The following HOOK3 variants were observed in gnomAD, a reference collection of about 807,000 sequenced individuals.
HOOK3 encodes the protein protein Hook homolog 3.
HOOK3 carries 24 observed loss-of-function variants against 116.3 expected under a neutral mutation model. The ratio of observed to expected loss-of-function variants is 0.21; its 90% CI spans 0.15 to 0.29. HOOK3 has a LOEUF of 0.29. HOOK3 is among the 10% of genes least tolerant of loss of function. The pLI, the probability that HOOK3 is intolerant of heterozygous loss-of-function variation, is 1.00. For missense variants in HOOK3, 632 were observed against 830.2 expected, an observed-to-expected ratio of 0.76 and a Z score of 2.93; for synonymous variants, 275 against 283.0, an observed-to-expected ratio of 0.97 and a Z score of 0.28.
chr8:43,018,979 C>T lies in HOOK3; in HGVS notation c.*481C>T, dbSNP rs1269217733. On this transcript the variant is annotated 3_prime_UTR_variant, in exon 22 of 22. Transcript: ENST00000307602. ...ACAGTTCAAATAACTTGCATATTTA[C>T]TATACAAAATGGTTGACAAGTGTTC... 1 of 210,974 alleles carries T rather than the reference C, an allele frequency of 4.7e-6. No individual in the cohort carries two copies. The highest frequency in any genetic ancestry group is 9.6e-6 in the Non-Finnish European group (1 of 103,920). The allele number at this position is 210,974 out of a possible 1,614,324, so 13.1% of individuals were successfully genotyped here.
At chr8:42,934,770 C>A (rs1465123766) in intron 4 of HOOK3, among the ~76,000 whole-genome samples, 1 of 152,224 alleles carries the variant, frequency 6.6e-6, no homozygotes, top group Non-Finnish European at 1.5e-5. Context: ...ATATGTGCCA[C>A]ATTTTCTTTA....
At chr8:42,949,183 A>G (rs1179332996) in intron 5 of HOOK3, among the ~76,000 whole-genome samples, 3 of 152,170 alleles carry the variant, frequency 2.0e-5, no homozygotes, top group African/African-American at 7.2e-5. Flanking sequence ...GTTTGGATGT[A>G]TGGGGTTGGA....
chr8:42,992,603 C>A (rs1490140313), intron 15 of HOOK3, among the ~76,000 whole-genome samples: 1 of 149,782 alleles, frequency 6.7e-6, no homozygotes, highest in African/African-American at 2.5e-5. Context: ...GTAGTCCCAG[C>A]TACTCAGAGG....
chr8:42,957,110 C>A lies in HOOK3; in HGVS notation c.485C>A (p.Ser162Tyr), dbSNP rs1434647860. The A allele has an allele frequency of 2.5e-6, 4 of 1,591,550 alleles. 1 individual carries two copies. The highest frequency in any genetic ancestry group is 3.4e-6 in the Non-Finnish European group (4 of 1,165,572). The change falls in exon 7 of 22, where the codon TCT (serine) becomes TAT (tyrosine). Residue 162 changes from serine to tyrosine, a missense_variant. Physicochemically the swap from Ser to Tyr is moderately radical, Grantham distance 144 (BLOSUM62 -2). This residue lies in a region of HOOK3 where 483 missense variants were observed against 648.1 expected (regional missense o/e 0.75). Coordinates refer to ENST00000307602, the MANE Select transcript of HOOK3 (RefSeq NM_032410.4). Reference protein sequence around the residue: ...TAIQELMSKESPVSAGNDAYV... With the variant: ...TAIQELMSKEYPVSAGNDAYV... ...TGATTTCAGCTGATGAGTAAAGAAT[C>A]TCCTGTCTCTGCTGGAAATGATGCC...
chr8:42,982,126 G>T (rs1434672618), intron 13 of HOOK3, among the ~76,000 whole-genome samples: 1 of 150,242 alleles, frequency 6.7e-6, no homozygotes, highest in African/African-American at 2.5e-5. Flanking sequence ...GTGGTGGCGG[G>T]CGCCTGTAAT....
intron 6 of HOOK3, among the ~76,000 whole-genome samples, chr8:42,956,727 G>A (rs984773072): frequency 4.6e-5 from 7 of 152,128 alleles, no homozygotes; most frequent in African/African-American, 1.2e-4. Context: ...TACGATTACA[G>A]GCAGGCGCCA....
chr8:42,954,595 G>A (rs1276246433), intron 6 of HOOK3, among the ~76,000 whole-genome samples: 1 of 152,194 alleles, frequency 6.6e-6, no homozygotes, highest in Non-Finnish European at 1.5e-5. Flanking sequence ...AAAGTTGTAT[G>A]TAAAAGAGAA....
intron 9 of HOOK3, among the ~76,000 whole-genome samples, chr8:42,964,749 C>G (rs1378135232): frequency 6.6e-6 from 1 of 151,694 alleles, no homozygotes; most frequent in Non-Finnish European, 1.5e-5. Flanking sequence ...ATCGCGTGAA[C>G]TGGGGGTGTG....
At chr8:42,982,592 C>A in intron 13 of HOOK3, 35 bp from the exon 14 acceptor site, 4 of 1,431,330 alleles carry the variant, frequency 2.8e-6, no homozygotes, top group Non-Finnish European at 3.9e-6. Context: ...ACTGTGTTTT[C>A]CATTAGCCTT....
intron 1 of HOOK3, among the ~76,000 whole-genome samples, chr8:42,899,268 A>G (rs1232730580): frequency 6.6e-6 from 1 of 152,210 alleles, no homozygotes; most frequent in African/African-American, 2.4e-5. Context: ...AAAACGAGTA[A>G]TCCACATTAT....
intron 1 of HOOK3, among the ~76,000 whole-genome samples, chr8:42,902,038 C>CT (rs1399167431): frequency 1.3e-5 from 2 of 152,020 alleles, no homozygotes; most frequent in Non-Finnish European, 2.9e-5. Context: ...AAGTTACTTG[C>CT]TTTTTTGAAT....
intron 2 of HOOK3, among the ~76,000 whole-genome samples, chr8:42,917,607 C>T (rs975393678): frequency 5.9e-5 from 9 of 152,054 alleles, no homozygotes; most frequent in African/African-American, 1.5e-4. Flanking sequence ...GGACAGAGAC[C>T]AAATATATTT....
chr8:42,977,878 A>C (rs1808858120), intron 13 of HOOK3, among the ~76,000 whole-genome samples: 2 of 152,148 alleles, frequency 1.3e-5, no homozygotes, highest in African/African-American at 4.8e-5. Flanking sequence ...AAAAAAAGAA[A>C]AAACAAACAA....
chr8:42,967,004 G>A (rs1213908525), intron 10 of HOOK3, among the ~76,000 whole-genome samples: 1 of 151,898 alleles, frequency 6.6e-6, no homozygotes, highest in Non-Finnish European at 1.5e-5. Flanking sequence ...CTCTCATGAG[G>A]TGCCTCACTC....
At position 42,985,864 on chromosome 8, in the gene HOOK3, CA is replaced by C. The variant is rs1305817678; in HGVS notation, c.1392-787del. Among the ~76,000 whole-genome samples the C allele has an allele frequency of 2.6e-5, 4 of 152,076 alleles. No homozygotes were observed. The East Asian group carries it at 7.7e-4, about 29-fold the overall frequency. The stretch of plus-strand genomic sequence containing the variant: ...AAAAGTAAAAGATTTATTGTGTTTA[CA>C]AAATAAGAGCAATGCGTGTGTGTCT... On this transcript the variant is annotated intron_variant, in intron 14 of 21. Coordinates refer to ENST00000307602, the MANE Select transcript of HOOK3 (RefSeq NM_032410.4).
rs1489546534 is a variant in HOOK3 at position 43,023,887 on chromosome 8, T to A, written c.*5389T>A. The A allele has an allele frequency of 4.9e-6, 1 of 203,282 alleles. No homozygotes were observed. Among genetic ancestry groups the A allele is most frequent in the Non-Finnish European group, 1.0e-5 (1 of 99,114 alleles). 12.6% of individuals were successfully genotyped at this position (203,282 alleles called of 1,614,324 possible). ...TGTCATTTTAATGATAACAGCATGTTAAAAACTTGGAAGTCTTTATCCCAA... is the reference window on the plus strand; with the variant it reads ...TGTCATTTTAATGATAACAGCATGTAAAAAACTTGGAAGTCTTTATCCCAA... On this transcript the variant is annotated 3_prime_UTR_variant, in exon 22 of 22. Transcript: ENST00000307602.
chr8:42,907,966 G>T (rs1807346568), intron 2 of HOOK3, among the ~76,000 whole-genome samples: 1 of 151,810 alleles, frequency 6.6e-6, no homozygotes, highest in African/African-American at 2.4e-5. Flanking sequence ...AATGAATACA[G>T]TAAAGTTGCA....
chr8:42,984,969 A>G (rs1240417284), intron 14 of HOOK3, among the ~76,000 whole-genome samples: 1 of 152,216 alleles, frequency 6.6e-6, no homozygotes, highest in East Asian at 1.9e-4. Context: ...GATACGGATT[A>G]AAATATGCTC....
intron 4 of HOOK3, among the ~76,000 whole-genome samples, chr8:42,932,683 T>A (rs2130368047): frequency 1.3e-5 from 2 of 152,274 alleles, no homozygotes; most frequent in Middle Eastern, 3.4e-3. Context: ...AAATCCAGTC[T>A]CTGAAAATGG....
Sources: allele counts gnomAD v4.1 joint callset (sites outside exome capture counted in the v4.1 genomes callset), GRCh38; gene constraint gnomAD v4.1.1; regional missense constraint gnomAD v4.1.1; transcripts MANE v1.5; gene names NCBI Gene and HGNC (gene_info 2026-07-23, HGNC 2026-07-21).